Variants in PDE1C observed in about 807,000 individuals in gnomAD.
PDE1C encodes the protein dual specificity calcium/calmodulin-dependent 3',5'-cyclic nucleotide phosphodiesterase 1C.
PDE1C carries 62 observed loss-of-function variants against 93.1 expected under a neutral mutation model. That is an observed-to-expected ratio of 0.67 (90% CI 0.54 to 0.82). PDE1C has a LOEUF of 0.82. Ranked by LOEUF, PDE1C falls within the 40% of genes least tolerant of loss-of-function variation. PDE1C has a pLI of 0.00. For missense variants in PDE1C, 742 were observed against 884.6 expected (o/e 0.84, Z 2.04); for synonymous variants, 325 against 310.1 (o/e 1.05, Z -0.50).
chr7:32,343,830 TA>T, intron 1 of PDE1C, among the ~76,000 whole-genome samples: 1 of 150,010 alleles, frequency 6.7e-6, no homozygotes, highest in Non-Finnish European at 1.5e-5. Flanking sequence ...CCAGTATTTT[TA>T]TCTTTCTTGG....
chr7:32,382,752 C>A lies in PDE1C; in HGVS notation c.310+45070G>T, dbSNP rs983759915. ...CCTTTGAAGGAGGTACTATCAAAAC[C>A]ACTTTACAAATTTGAATTTGAAAAA... is the stretch of plus-strand genomic sequence containing the variant. On this transcript the variant is annotated intron_variant, in intron 1 of 1. Coordinates refer to the PDE1C transcript ENST00000672256. Among the ~76,000 whole-genome samples the A allele has an allele frequency of 2.0e-5, 3 of 152,188 alleles. No homozygotes were observed. The East Asian group carries it at 5.8e-4, about 29-fold the overall frequency.
chr7:32,353,758 TA>T (rs55948841), intron 1 of PDE1C, among the ~76,000 whole-genome samples: 6,334 of 152,246 alleles, frequency 0.042, 251 homozygotes, highest in African/African-American at 0.098. Context: ...TGGAGGAGTT[TA>T]TGAAATGATA....
At chr7:31,680,389 C>A in the PDE1C span, among the ~76,000 whole-genome samples, 1 of 152,190 alleles carries the variant, frequency 6.6e-6, no homozygotes, top group Admixed American at 6.5e-5. Flanking sequence ...CTGGGGAAGG[C>A]ATCAAGCCTG....
the PDE1C span, among the ~76,000 whole-genome samples, chr7:31,646,498 C>T: frequency 6.6e-6 from 1 of 152,104 alleles, no homozygotes; most frequent in Admixed American, 6.5e-5. Flanking sequence ...CCAGATTCCT[C>T]ATGGTAAGGA....
chr7:31,681,920 TG>T, the PDE1C span, among the ~76,000 whole-genome samples: 140 of 152,294 alleles, frequency 9.2e-4, 1 homozygote, highest in Admixed American at 2.3e-3. Context: ...AATGTCCTCT[TG>T]TGTCTTTTTG....
At chr7:31,666,626 T>C in the PDE1C span, among the ~76,000 whole-genome samples, 1 of 152,294 alleles carries the variant, frequency 6.6e-6, no homozygotes, top group South Asian at 2.1e-4. Flanking sequence ...GAGGTATAAG[T>C]CACATACAGT....
At chr7:31,720,065 A>G in the PDE1C span, among the ~76,000 whole-genome samples, 1 of 146,054 alleles carries the variant, frequency 6.8e-6, no homozygotes, top group Admixed American at 6.9e-5. Flanking sequence ...CGGGAGGCTG[A>G]GGCAGGAGAA....
intron 1 of PDE1C, among the ~76,000 whole-genome samples, chr7:32,356,319 G>A (rs543427899): frequency 6.6e-6 from 1 of 152,296 alleles, no homozygotes; most frequent in African/African-American, 2.4e-5. Context: ...CATGCACTCA[G>A]AGAGCAAAGA....
chr7:32,102,840 T>G (rs17339283), intron 3 of PDE1C, among the ~76,000 whole-genome samples: 30,951 of 152,176 alleles, frequency 0.2, 3,799 homozygotes, highest in Middle Eastern at 0.3. Flanking sequence ...CATTTTGCAC[T>G]CTGTACATGC....
At chr7:32,367,428 G>A (rs73306169) in intron 1 of PDE1C, among the ~76,000 whole-genome samples, 261 of 152,282 alleles carry the variant, frequency 1.7e-3, no homozygotes, top group African/African-American at 6.2e-3. Context: ...AACCCTGAAT[G>A]TAAACAGATG....
At chr7:31,898,494 A>G (rs1799587603) in intron 2 of PDE1C, among the ~76,000 whole-genome samples, 1 of 152,184 alleles carries the variant, frequency 6.6e-6, no homozygotes, top group African/African-American at 2.4e-5. Flanking sequence ...TTGTCTCTAA[A>G]TATACATATC....
Position 32,420,284 on chromosome 7 carries a change from T to C in PDE1C, c.310+7538A>G, listed in dbSNP as rs368232972. Among the ~76,000 whole-genome samples the C allele has an allele frequency of 4.1e-4, 11 of 27,028 alleles. 4 individuals are homozygous for C. The East Asian group carries it at 9.2e-3, about 23-fold the overall frequency. The allele number at this position is 27,028 out of a possible 152,430, so 17.7% of individuals were successfully genotyped here. ...GTATATATATGTGTATATATATACA[T>C]GTGTATATATATGTGTATATATATA... is the stretch of plus-strand genomic sequence containing the variant. On this transcript the variant is annotated intron_variant, in intron 1 of 1. Coordinates refer to the PDE1C transcript ENST00000672256.
chr7:32,199,930 T>C (rs1804892287), intron 2 of PDE1C, among the ~76,000 whole-genome samples: 1 of 152,220 alleles, frequency 6.6e-6, no homozygotes, highest in Admixed American at 6.5e-5. Flanking sequence ...ACGGATGAAA[T>C]TATTTAAAAT....
At chr7:31,969,898 A>C (rs1284371651) in intron 2 of PDE1C, among the ~76,000 whole-genome samples, 4 of 152,158 alleles carry the variant, frequency 2.6e-5, no homozygotes, top group Non-Finnish European at 5.9e-5. Context: ...AAGGACAAAA[A>C]ACCAAACACC....
At chr7:32,237,394 C>A (rs1035503593) in intron 1 of PDE1C, among the ~76,000 whole-genome samples, 2 of 151,938 alleles carry the variant, frequency 1.3e-5, no homozygotes, top group Non-Finnish European at 2.9e-5. Context: ...GAGAACAGAT[C>A]TGTAGTTGCC....
intron 2 of PDE1C, among the ~76,000 whole-genome samples, chr7:32,180,276 AC>A (rs756601530): frequency 7.9e-5 from 12 of 152,212 alleles, no homozygotes; most frequent in Non-Finnish European, 1.2e-4. Flanking sequence ...TCCTTATCAT[AC>A]ACATCAGGGG....
chr7:31,650,026 A>G, the PDE1C span, among the ~76,000 whole-genome samples: 1 of 152,322 alleles, frequency 6.6e-6, no homozygotes, highest in Non-Finnish European at 1.5e-5. Flanking sequence ...TGTCAATGCC[A>G]TTAGACCAAC....
At chr7:32,248,393 C>G (rs1206397208) in intron 1 of PDE1C, among the ~76,000 whole-genome samples, 2 of 152,156 alleles carry the variant, frequency 1.3e-5, no homozygotes, top group Non-Finnish European at 2.9e-5. Context: ...GATTCCCAGC[C>G]TTGAATGGGT....
intron 2 of PDE1C, among the ~76,000 whole-genome samples, chr7:32,185,874 C>A (rs1803814055): frequency 6.6e-6 from 1 of 152,188 alleles, no homozygotes; most frequent in South Asian, 2.1e-4. Context: ...TTGCATAGCA[C>A]CAACAGAATT....
Sources: allele counts gnomAD v4.1 joint callset (sites outside exome capture counted in the v4.1 genomes callset), GRCh38; gene constraint gnomAD v4.1.1; transcripts MANE v1.5; gene names NCBI Gene and HGNC (gene_info 2026-07-23, HGNC 2026-07-21).